Variants in AUTS2 observed in about 807,000 individuals in gnomAD.
AUTS2 encodes the protein activator of transcription and developmental regulator AUTS2, also known as autism susceptibility gene 2 protein.
AUTS2 carries 17 observed loss-of-function variants against 112.4 expected under a neutral mutation model. That is an observed-to-expected ratio of 0.15 (90% confidence interval 0.10 to 0.23). AUTS2 has a LOEUF of 0.23. Ranked by LOEUF, AUTS2 falls within the 10% of genes least tolerant of loss-of-function variation. The pLI is 1.00. For missense variants in AUTS2, 1,510 were observed against 1,701.6 expected, an observed-to-expected ratio of 0.89 and a Z score of 1.98; for synonymous variants, 751 against 702.7, an observed-to-expected ratio of 1.07 and a Z score of -1.09.
At chr7:70,773,761 C>G (rs890786222) in intron 11 of AUTS2, among the ~76,000 whole-genome samples, 2 of 152,224 alleles carry the variant, frequency 1.3e-5, no homozygotes, top group African/African-American at 2.4e-5. Context: ...TTTGTTGCTT[C>G]TCTTTTTTGG....
intron 2 of AUTS2, among the ~76,000 whole-genome samples, chr7:69,938,191 T>C (rs377254664): frequency 3.3e-5 from 5 of 152,228 alleles, no homozygotes; most frequent in African/African-American, 1.2e-4. Context: ...AGTCTAAGCA[T>C]GAAAGACCTT....
At chr7:70,698,863 C>T (rs561997959) in intron 6 of AUTS2, 1 of 368,744 alleles carries the variant, frequency 2.7e-6, no homozygotes, top group African/African-American at 2.1e-5. Context: ...ATCACTACTA[C>T]TATGTGACTT....
Position 69,797,302 on chromosome 7 carries a change from C to T in AUTS2, c.310-101984C>T, listed in dbSNP as rs189312857. ...GGGGGACATGTTCCGTTTTCAGCTCCCCAAGCCATAGAGTTAAGATTCAAT... is the reference window on the plus strand; with the variant it reads ...GGGGGACATGTTCCGTTTTCAGCTCTCCAAGCCATAGAGTTAAGATTCAAT... On this transcript the variant is annotated intron_variant, in intron 1 of 18. Coordinates refer to ENST00000342771, the MANE Select transcript of AUTS2 (RefSeq NM_015570.4). Among the ~76,000 whole-genome samples the T allele has an allele frequency of 1.4e-3, 208 of 152,176 alleles. 1 individual carries two copies. The highest frequency in any genetic ancestry group is 4.0e-3 in the Admixed American group (61 of 15,276).
chr7:70,597,852 C>A (rs1763922811), intron 5 of AUTS2, among the ~76,000 whole-genome samples: 1 of 152,122 alleles, frequency 6.6e-6, no homozygotes, highest in Admixed American at 6.5e-5. Context: ...CCACTCTGTA[C>A]CTTGACTTCT....
intron 5 of AUTS2, among the ~76,000 whole-genome samples, chr7:70,550,247 C>T (rs1346818090): frequency 1.3e-5 from 2 of 152,128 alleles, no homozygotes; most frequent in African/African-American, 2.4e-5. Context: ...CCAGTGACGC[C>T]ATCCATTTCT....
intron 1 of AUTS2, among the ~76,000 whole-genome samples, chr7:69,721,814 G>A (rs1798960035): frequency 6.6e-6 from 1 of 152,176 alleles, no homozygotes. Context: ...GGTGAGTGAA[G>A]TTGGAGAGAT....
At position 69,907,349 on chromosome 7, in the gene AUTS2, T is replaced by C. The variant is rs141193811; in HGVS notation, c.522+7851T>C. 5.3e-5 allele frequency among the ~76,000 whole-genome samples: 8 copies of C among 152,340 alleles called. No homozygotes were observed. In the East Asian group the frequency reaches 1.3e-3, roughly 26 times the overall value. ...AAAGTTACTATGCAGGAGTAAATGG[T>C]TATTTGTTCTCTTGAACTTTGGGAT... On this transcript the variant is annotated intron_variant, in intron 2 of 18. Coordinates refer to ENST00000342771, the MANE Select transcript of AUTS2 (RefSeq NM_015570.4).
intron 5 of AUTS2, among the ~76,000 whole-genome samples, chr7:70,470,051 G>A (rs993970134): frequency 6.6e-6 from 1 of 152,206 alleles, no homozygotes; most frequent in Non-Finnish European, 1.5e-5. Context: ...ATGCGAGAAA[G>A]GCCTAGAAAT....
chr7:70,650,755 A>G (rs927129764), intron 5 of AUTS2, among the ~76,000 whole-genome samples: 1 of 152,150 alleles, frequency 6.6e-6, no homozygotes, highest in African/African-American at 2.4e-5. Flanking sequence ...TTAACTGTCA[A>G]TTTTATCAGA....
At chr7:69,730,780 G>C (rs1268699963) in intron 1 of AUTS2, among the ~76,000 whole-genome samples, 1 of 152,126 alleles carries the variant, frequency 6.6e-6, no homozygotes, top group Non-Finnish European at 1.5e-5. Context: ...TCAATAGCTA[G>C]AGACCACATG....
intron 4 of AUTS2, among the ~76,000 whole-genome samples, chr7:70,175,833 T>C (rs1808957281): frequency 6.6e-6 from 1 of 152,202 alleles, no homozygotes; most frequent in African/African-American, 2.4e-5. Context: ...TGTCTATTAG[T>C]TTTAGACATA....
At chr7:70,426,785 A>G (rs1795456272) in intron 4 of AUTS2, among the ~76,000 whole-genome samples, 3 of 151,620 alleles carry the variant, frequency 2.0e-5, no homozygotes, top group African/African-American at 7.3e-5. Context: ...TATCACTGCA[A>G]TCAAAGCAAT....
chr7:70,670,559 G>A (rs971325010), intron 5 of AUTS2, among the ~76,000 whole-genome samples: 1 of 152,186 alleles, frequency 6.6e-6, no homozygotes, highest in Non-Finnish European at 1.5e-5. Flanking sequence ...TTCATAAACT[G>A]AGAGCTAGAA....
chr7:70,206,104 G>A (rs1300806443), intron 4 of AUTS2, among the ~76,000 whole-genome samples: 1 of 152,136 alleles, frequency 6.6e-6, no homozygotes, highest in East Asian at 1.9e-4. Context: ...TAATTAAGTG[G>A]CATTAGAACT....
At chr7:69,607,294 G>A (rs373535487) in intron 1 of AUTS2, among the ~76,000 whole-genome samples, 21 of 151,982 alleles carry the variant, frequency 1.4e-4, no homozygotes, top group Non-Finnish European at 2.2e-4. Flanking sequence ...TAGATTCCCC[G>A]CTCACCTGCT....
At chr7:70,244,841 C>T (rs573229758) in intron 4 of AUTS2, among the ~76,000 whole-genome samples, 58 of 151,930 alleles carry the variant, frequency 3.8e-4, no homozygotes, top group Non-Finnish European at 8.1e-4. Flanking sequence ...GCAAGATGGC[C>T]GGGTGCGGCG....
At chr7:69,907,220 A>G (rs548569240) in intron 2 of AUTS2, among the ~76,000 whole-genome samples, 38 of 152,214 alleles carry the variant, frequency 2.5e-4, no homozygotes, top group Non-Finnish European at 5.1e-4. Context: ...CTTTAAATGT[A>G]TACAACTGTG....
intron 4 of AUTS2, among the ~76,000 whole-genome samples, chr7:70,336,453 AG>A (rs1431357139): frequency 1.3e-5 from 2 of 152,086 alleles, no homozygotes; most frequent in Non-Finnish European, 2.9e-5. Context: ...GCCCACATGG[AG>A]GGTGATTGTT....
chr7:70,157,240 C>A (rs1393299355), intron 4 of AUTS2, among the ~76,000 whole-genome samples: 2 of 152,012 alleles, frequency 1.3e-5, no homozygotes, highest in Non-Finnish European at 2.9e-5. Context: ...TTATCATACT[C>A]AACCTCTGGT....
Sources: gnomAD v4.1 joint callset for allele counts (sites outside exome capture counted in the v4.1 genomes callset) on GRCh38, gnomAD v4.1.1 for gene constraint, MANE v1.5 for transcripts, NCBI Gene and HGNC (gene_info 2026-07-23, HGNC 2026-07-21) for gene names.